Variants in MCF2L observed in about 807,000 individuals in gnomAD.
MCF2L encodes guanine nucleotide exchange factor DBS.
MCF2L carries 97 observed loss-of-function variants against 153.4 expected under a neutral mutation model. The ratio of observed to expected loss-of-function variants is 0.63; its 90% confidence interval spans 0.54 to 0.75. MCF2L has a LOEUF of 0.75. Ranked by LOEUF, MCF2L falls within the 30% of genes least tolerant of loss-of-function variation. MCF2L has a pLI of 0.00. For missense variants in MCF2L, 1,347 were observed against 1,495.2 expected, an observed-to-expected ratio of 0.90 and a Z score of 1.64; for synonymous variants, 659 against 632.2, an observed-to-expected ratio of 1.04 and a Z score of -0.64.
At chr13:112,905,703 C>T (rs952623337) in intron 2 of MCF2L, among the ~76,000 whole-genome samples, 1 of 152,140 alleles carries the variant, frequency 6.6e-6, no homozygotes, top group African/African-American at 2.4e-5. Flanking sequence ...TGTGTTGTAC[C>T]GTGTGACACA....
At position 113,064,733 on chromosome 13, in the gene MCF2L, G is replaced by A. The variant is rs2032094814; in HGVS notation, c.607-203G>A. The A allele has an allele frequency of 1.6e-6, 1 of 615,896 alleles. No individual in the cohort carries two copies. 38.2% of individuals were successfully genotyped at this position (615,896 alleles called of 1,614,324 possible). A position where few individuals can be genotyped will look rare whatever the true frequency, so the allele number is the denominator to read the frequency against. The stretch of plus-strand genomic sequence containing the variant: ...AGGCACAGGCGACTCTAGGTGACGG[G>A]CACACGTGTAGAGTGTGCCTGGTAT... On this transcript the variant is annotated intron_variant, in intron 6 of 29. Coordinates refer to ENST00000535094, the MANE Select transcript of MCF2L (RefSeq NM_001112732.3). This position sits in a 1 kb window ranked among gnomAD's most constrained non-coding sequence, Gnocchi z 6.0.
chr13:113,033,373 C>A (rs201709760), intron 3 of MCF2L, among the ~76,000 whole-genome samples: 13 of 108,112 alleles, frequency 1.2e-4, no homozygotes, highest in Middle Eastern at 5.2e-3. Context: ...GAGTGGCCCC[C>A]GTGACGTGAG....
chr13:113,085,802 CG>C (rs2034581530), intron 20 of MCF2L, among the ~76,000 whole-genome samples: 1 of 74,700 alleles, frequency 1.3e-5, no homozygotes, highest in African/African-American at 5.5e-5. Context: ...GGAGCAGGTG[CG>C]AGGGGTTTGC....
chr13:112,989,461 A>G lies in MCF2L; in HGVS notation c.79+20003A>G, dbSNP rs1281759302. Among the ~76,000 whole-genome samples the G allele has an allele frequency of 5.2e-4, 12 of 23,026 alleles. 3 individuals are homozygous for G. Among genetic ancestry groups the G allele is most frequent in the South Asian group, 2.6e-3 (1 of 392 alleles). 15.1% of individuals were successfully genotyped at this position (23,026 alleles called of 152,430 possible). A position where few individuals can be genotyped will look rare whatever the true frequency, so the allele number is the denominator to read the frequency against. ...CACGCCCGAGTCCTCCCTGAGCAGG[A>G]CATGGAGCCACCACGCCCGAGTCCT... is the stretch of plus-strand genomic sequence containing the variant. On this transcript the variant is annotated intron_variant, in intron 1 of 29. Transcript: ENST00000535094.
At position 113,012,546 on chromosome 13, in the gene MCF2L, G is replaced by A. The variant is rs557835247; in HGVS notation, c.80-2217G>A. Among the ~76,000 whole-genome samples, 37 of 116,564 alleles carry A rather than the reference G, an allele frequency of 3.2e-4. 4 individuals carry two copies. The highest frequency in any genetic ancestry group is 5.7e-3 in the Middle Eastern group (1 of 176). The allele number at this position is 116,564 out of a possible 152,430, so 76.5% of individuals were successfully genotyped here. A position where few individuals can be genotyped will look rare whatever the true frequency, so the allele number is the denominator to read the frequency against. On this transcript the variant is annotated intron_variant, in intron 1 of 29. Coordinates refer to ENST00000535094, the MANE Select transcript of MCF2L (RefSeq NM_001112732.3). ...CTGCAATGAGGACGGTGGACACTGC[G>A]ATGAGGACAGTGGACAGGTGGTGTG... is the stretch of plus-strand genomic sequence containing the variant.
Position 113,064,852 on chromosome 13 carries a change from G to A in MCF2L, c.607-84G>A, listed in dbSNP as rs192102174. 7.5e-3 allele frequency: 11,163 copies of A among 1,495,468 alleles called. 66 individuals carry two copies. Among genetic ancestry groups the A allele is most frequent in the South Asian group, 0.011 (848 of 77,568 alleles). 92.6% of individuals were successfully genotyped at this position (1,495,468 alleles called of 1,614,324 possible). ...TCACCTGATGGGTCTGTGTGGGAAC[G>A]GTTTCCGCCGGTGTCTGCTTTCAGG... On this transcript the variant is annotated intron_variant, in intron 6 of 29. Transcript: ENST00000535094. The surrounding 1 kb of genome is among the most constrained non-coding windows in gnomAD (Gnocchi z 6.0).
chr13:112,945,185 C>T (rs7992904), intron 2 of MCF2L, among the ~76,000 whole-genome samples: 92,408 of 151,876 alleles, frequency 0.61, 28,324 homozygotes, highest in South Asian at 0.73. Flanking sequence ...GTTTATCACA[C>T]AGGGGAGTTT....
At chr13:112,934,846 C>T (rs980307323) in intron 2 of MCF2L, among the ~76,000 whole-genome samples, 12 of 152,202 alleles carry the variant, frequency 7.9e-5, no homozygotes, top group South Asian at 2.1e-4. Flanking sequence ...TTCCCCTGGG[C>T]GCCCCCGCCA....
At chr13:112,912,891 GTGTC>G (rs1197022610) in intron 2 of MCF2L, among the ~76,000 whole-genome samples, 1 of 150,448 alleles carries the variant, frequency 6.6e-6, no homozygotes, top group Admixed American at 6.6e-5. Flanking sequence ...GATTGTGTGT[GTGTC>G]TGTGGTGTAT....
Position 113,080,592 on chromosome 13 carries a change from A to C in MCF2L, c.1809-621A>C, listed in dbSNP as rs375205508. On this transcript the variant is annotated intron_variant, in intron 15 of 29. Coordinates refer to ENST00000535094, the MANE Select transcript of MCF2L (RefSeq NM_001112732.3). The stretch of plus-strand genomic sequence containing the variant: ...GCTGCTGAAAGGTGCTCACACCCAC[A>C]GCAAGACCTGCGCAGCCAGCTTGTG... 2.6e-5 allele frequency among the ~76,000 whole-genome samples: 4 copies of C among 152,376 alleles called. No homozygotes were observed. In the East Asian group the frequency reaches 5.8e-4, roughly 22 times the overall value.
At chr13:113,012,278 G>A in intron 1 of MCF2L, among the ~76,000 whole-genome samples, 1 of 115,950 alleles carries the variant, frequency 8.6e-6, no homozygotes, top group African/African-American at 3.0e-5. Flanking sequence ...CAGTGGACAG[G>A]TGGTGTAGAC....
Position 113,046,656 on chromosome 13 carries a change from T to C in MCF2L, c.369+1295T>C, listed in dbSNP as rs2086835987. Reference sequence around the variant, plus strand: ...AACCTTCATCGTTTTGGTGCAAGCCTGTCCCTGAGCCGCTGGTTCTCATCG... The same window carrying C: ...AACCTTCATCGTTTTGGTGCAAGCCCGTCCCTGAGCCGCTGGTTCTCATCG... On this transcript the variant is annotated intron_variant, in intron 4 of 29. Transcript: ENST00000535094. The surrounding 1 kb of genome is among the most constrained non-coding windows in gnomAD (Gnocchi z 4.4). The C allele has an allele frequency of 3.8e-6, 2 of 533,092 alleles. No homozygotes were observed. The highest frequency in any genetic ancestry group is 1.4e-5 in the South Asian group (1 of 71,556). 33.0% of individuals were successfully genotyped at this position (533,092 alleles called of 1,614,324 possible). A position where few individuals can be genotyped will look rare whatever the true frequency, so the allele number is the denominator to read the frequency against.
chr13:113,077,214 C>T lies in MCF2L; in HGVS notation c.1660+3C>T. 1 of 1,559,370 alleles carries T rather than the reference C, an allele frequency of 6.4e-7. No individual in the cohort carries two copies. Among genetic ancestry groups the T allele is most frequent in the Non-Finnish European group, 8.7e-7 (1 of 1,149,044 alleles). ...AAAGTCGCCCTGCCCCTCCCCAGGT[C>T]TGTGTGGCCGCCCGGTGCCCCGGGT... On this transcript the variant is annotated splice_donor_region_variant and intron_variant, in intron 13 of 29. Transcript: ENST00000535094.
chr13:112,979,362 C>A, intron 1 of MCF2L: 1 of 1,319,222 alleles, frequency 7.6e-7, no homozygotes, highest in Non-Finnish European at 9.7e-7. Context: ...TCTAGCACCT[C>A]GGCATTGTCT....
intron 7 of MCF2L, among the ~76,000 whole-genome samples, chr13:113,065,729 C>A (rs1330684574): frequency 6.6e-6 from 1 of 152,244 alleles, no homozygotes; most frequent in East Asian, 1.9e-4. Flanking sequence ...CGGGCCGCTC[C>A]ACCGTGAGGA....
intron 1 of MCF2L, among the ~76,000 whole-genome samples, chr13:112,994,666 T>A (rs575871606): frequency 8.2e-4 from 125 of 152,222 alleles, no homozygotes; most frequent in Non-Finnish European, 1.4e-3. Flanking sequence ...CCGCGCGATG[T>A]CCTTCATCCC....
chr13:113,089,168 C>T (rs1324148403), intron 25 of MCF2L, among the ~76,000 whole-genome samples: 7 of 86,550 alleles, frequency 8.1e-5, no homozygotes, highest in South Asian at 6.7e-4. Flanking sequence ...AACACTCCCC[C>T]GCCCCCCCCC....
intron 1 of MCF2L, among the ~76,000 whole-genome samples, chr13:112,999,659 G>A (rs116800894): frequency 0.019 from 2,833 of 152,274 alleles, 91 homozygotes; most frequent in African/African-American, 0.064. Context: ...TTGTGGGAGA[G>A]GGGGTGTTTG....
At chr13:112,930,410 C>T (rs1317447597) in intron 2 of MCF2L, among the ~76,000 whole-genome samples, 1 of 152,122 alleles carries the variant, frequency 6.6e-6, no homozygotes, top group African/African-American at 2.4e-5. Context: ...AACTTAGATG[C>T]TTATTGCCAA....
Sources: gnomAD v4.1 joint callset for allele counts (sites outside exome capture counted in the v4.1 genomes callset) on GRCh38, gnomAD v4.1.1 for gene constraint, Gnocchi (gnomAD v3.1) non-coding constraint, MANE v1.5 for transcripts, NCBI Gene and HGNC (gene_info 2026-07-23, HGNC 2026-07-21) for gene names.